The following KIF26B variants were observed in gnomAD, a reference collection of about 807,000 sequenced individuals.
The protein encoded by KIF26B is kinesin family member 26B.
A neutral mutation model predicts 151.2 loss-of-function variants in KIF26B; 63 were observed. That is an observed-to-expected ratio of 0.42 (90% CI 0.34 to 0.51). The LOEUF is 0.51. Ranked by LOEUF, KIF26B falls within the 20% of genes least tolerant of loss-of-function variation. The probability of loss-of-function intolerance (pLI) is 0.07; values close to 1 mark genes in which losing one functional copy is unlikely to be tolerated. For synonymous variants in KIF26B, 1,357 were observed against 1,262.1 expected, an observed-to-expected ratio of 1.08 and a Z score of -1.59; for missense variants, 2,813 against 2,913.6, an observed-to-expected ratio of 0.97 and a Z score of 0.79.
chr1:245,293,289 G>A (rs1671285037), intron 2 of KIF26B, among the ~76,000 whole-genome samples: 1 of 152,056 alleles, frequency 6.6e-6, no homozygotes, highest in African/African-American at 2.4e-5. Flanking sequence ...CAGAGATGAT[G>A]ACACTGGGAT....
At chr1:245,359,874 C>CTTTCT (rs992624473) in intron 2 of KIF26B, among the ~76,000 whole-genome samples, 1 of 139,608 alleles carries the variant, frequency 7.2e-6, no homozygotes, top group African/African-American at 2.8e-5. Flanking sequence ...TTCTTTCTTT[C>CTTTCT]TTTTTTTTTT....
intron 2 of KIF26B, among the ~76,000 whole-genome samples, chr1:245,206,192 G>A (rs1182292233): frequency 6.6e-6 from 1 of 152,142 alleles, no homozygotes; most frequent in Non-Finnish European, 1.5e-5. Context: ...TTATTCTCCA[G>A]CTCCCTGTAA....
chr1:245,188,501 C>G lies in KIF26B; in HGVS notation c.465+31818C>G, dbSNP rs141162337. On this transcript the variant is annotated intron_variant, in intron 2 of 14. Coordinates refer to ENST00000407071, the MANE Select transcript of KIF26B (RefSeq NM_018012.4). ...ATTCAGAGAGACATTTCAACTTTCCCTCTGTGCTTTGCAAACTGATGACGA... is the reference window on the plus strand; with the variant it reads ...ATTCAGAGAGACATTTCAACTTTCCGTCTGTGCTTTGCAAACTGATGACGA... 1.1e-3 allele frequency among the ~76,000 whole-genome samples: 169 copies of G among 152,178 alleles called. 2 individuals are homozygous for G. Among genetic ancestry groups the G allele is most frequent in the Middle Eastern group, 0.01 (3 of 294 alleles).
chr1:245,405,627 T>TC (rs1301068653), intron 3 of KIF26B, among the ~76,000 whole-genome samples: 1 of 151,606 alleles, frequency 6.6e-6, no homozygotes, highest in Non-Finnish European at 1.5e-5. Flanking sequence ...TGATGTTGTT[T>TC]TTTTTTTTTG....
At chr1:245,261,501 CTCCCTCCCT>C (rs1558366088) in intron 2 of KIF26B, among the ~76,000 whole-genome samples, 22 of 109,420 alleles carry the variant, frequency 2.0e-4, no homozygotes, top group Admixed American at 5.2e-4. Flanking sequence ...CTCTCTCTCT[CTCCCTCCCT>C]CCCTCCCTCC....
At chr1:245,200,907 G>C (rs1280498083) in intron 2 of KIF26B, among the ~76,000 whole-genome samples, 3 of 152,232 alleles carry the variant, frequency 2.0e-5, no homozygotes, top group Non-Finnish European at 4.4e-5. Flanking sequence ...GGGCGTGAAA[G>C]TCATTGTGTG....
At chr1:245,519,297 T>C (rs1661035660) in intron 4 of KIF26B, among the ~76,000 whole-genome samples, 1 of 152,162 alleles carries the variant, frequency 6.6e-6, no homozygotes, top group Non-Finnish European at 1.5e-5. Context: ...CTCACACCTG[T>C]AATCTCAGCA....
At position 245,702,637 on chromosome 1, in the gene KIF26B, C is replaced by T. The variant is rs778655418; in HGVS notation, c.*31C>T. 7.0e-5 allele frequency: 113 copies of T among 1,604,040 alleles called. No individual in the cohort carries two copies. Among genetic ancestry groups the T allele is most frequent in the Non-Finnish European group, 8.3e-5 (98 of 1,174,340 alleles). On this transcript the variant is annotated 3_prime_UTR_variant, in exon 15 of 15. Transcript: ENST00000407071. This position sits in a 1 kb window ranked among gnomAD's most constrained non-coding sequence, Gnocchi z 4.1. ...CCAGACCCTTGTCCTAGTGGTCCCC[C>T]GCTCCCCAGGACTTCAGAGATGTTG...
chr1:245,361,360 C>T (rs956745886), intron 2 of KIF26B, among the ~76,000 whole-genome samples: 3 of 152,192 alleles, frequency 2.0e-5, no homozygotes, highest in Admixed American at 6.5e-5. Context: ...AGAAAAACTG[C>T]GGTCTGACAT....
intron 5 of KIF26B, among the ~76,000 whole-genome samples, chr1:245,569,537 G>C (rs894950442): frequency 2.0e-5 from 3 of 152,084 alleles, no homozygotes; most frequent in Non-Finnish European, 2.9e-5. Flanking sequence ...AACCTGGGAG[G>C]CAGAGGTTGC....
At chr1:245,697,484 T>C (rs1477820564) in intron 12 of KIF26B, among the ~76,000 whole-genome samples, 1 of 152,194 alleles carries the variant, frequency 6.6e-6, no homozygotes, top group Non-Finnish European at 1.5e-5. Flanking sequence ...ACTCCTGTAA[T>C]GACATCAAAT....
In KIF26B at chr1:245,702,588, C is replaced by T. The variant is rs762473342; in HGVS notation, c.6309C>T (p.Ile2103=). ...TCATGATGATCACCTGCTTCGACAT[C>T]ACCTCCAGGCGCCGGTAGATGAGCC... ...AHLMMITCFD[I]TSRRR is the part of the protein sequence containing the mutation. The change falls in exon 15 of 15, where the codon ATC becomes ATT. Residue 2103 remains isoleucine, a synonymous_variant. Coordinates refer to ENST00000407071, the MANE Select transcript of KIF26B (RefSeq NM_018012.4). The surrounding 1 kb of genome is among the most constrained non-coding windows in gnomAD (Gnocchi z 4.1). 3 of 1,613,880 alleles carry T rather than the reference C, an allele frequency of 1.9e-6. No individual in the cohort carries two copies. Among genetic ancestry groups the T allele is most frequent in the Admixed American group, 3.3e-5 (2 of 60,014 alleles).
chr1:245,552,615 G>GCTTTTTTTT (rs1661919997), intron 5 of KIF26B, among the ~76,000 whole-genome samples: 1 of 108,540 alleles, frequency 9.2e-6, no homozygotes. Context: ...CATCTTCCTG[G>GCTTTTTTTT]ATTTTTTTTT....
chr1:245,193,437 G>A (rs1325419702), intron 2 of KIF26B, among the ~76,000 whole-genome samples: 1 of 151,760 alleles, frequency 6.6e-6, no homozygotes, highest in East Asian at 1.9e-4. Context: ...ATATGACTCA[G>A]TCTGTTTCAA....
Position 245,156,327 on chromosome 1 carries a change from C to T in KIF26B, c.109C>T (p.Pro37Ser). 6.5e-7 allele frequency: 1 copy of T among 1,547,646 alleles called. No individual in the cohort carries two copies. Among genetic ancestry groups the T allele is most frequent in the Non-Finnish European group, 8.7e-7 (1 of 1,145,960 alleles). ...SPTKPAAPFS[P>S]ESWYRKAYEE... Reference sequence around the variant, plus strand: ...CACCAAGCCCGCAGCGCCCTTCTCCCCGGAAAGCTGGTACCGGAAAGCATA... The same window carrying T: ...CACCAAGCCCGCAGCGCCCTTCTCCTCGGAAAGCTGGTACCGGAAAGCATA... Residue 37 changes from proline to serine, a missense_variant, in exon 2 of 15, where the codon CCG becomes TCG. Physicochemically the swap from Pro to Ser is moderately conservative, Grantham distance 74 (BLOSUM62 -1). This residue lies in a region of KIF26B where 676 missense variants were observed against 688.1 expected (regional missense o/e 0.98). Transcript: ENST00000407071.
intron 4 of KIF26B, among the ~76,000 whole-genome samples, chr1:245,464,455 A>G (rs1175065886): frequency 4.9e-3 from 356 of 72,016 alleles, no homozygotes; most frequent in African/African-American, 6.1e-3. Flanking sequence ...GTGGGTGTGT[A>G]TGTGTGCGTG....
At chr1:245,663,859 C>T (rs998879703) in intron 10 of KIF26B, among the ~76,000 whole-genome samples, 11 of 152,172 alleles carry the variant, frequency 7.2e-5, no homozygotes, top group African/African-American at 2.7e-4. Context: ...GGTTGATTTT[C>T]CTGTGAAAAT....
At chr1:245,222,693 G>T (rs201713856) in intron 2 of KIF26B, among the ~76,000 whole-genome samples, 2 of 152,162 alleles carry the variant, frequency 1.3e-5, no homozygotes, top group East Asian at 3.8e-4. Context: ...CCCAAATGTT[G>T]CATATTGAGA....
rs2044282844 is a variant in KIF26B at position 245,671,344 on chromosome 1, A to T, written c.2259-12889A>T. 2.0e-5 allele frequency among the ~76,000 whole-genome samples: 3 copies of T among 152,228 alleles called. No individual in the cohort carries two copies. In the South Asian group the frequency reaches 6.2e-4, roughly 32 times the overall value. On this transcript the variant is annotated intron_variant, in intron 10 of 14. Coordinates refer to ENST00000407071, the MANE Select transcript of KIF26B (RefSeq NM_018012.4). The stretch of plus-strand genomic sequence containing the variant: ...CATGCTGTTAATATAACACGGATGT[A>T]CCTTGCAAGCATGTTGAGTAACATA...
Sources: allele counts gnomAD v4.1 joint callset (sites outside exome capture counted in the v4.1 genomes callset), GRCh38; gene constraint gnomAD v4.1.1; regional missense constraint gnomAD v4.1.1; non-coding constraint Gnocchi (gnomAD v3.1); transcripts MANE v1.5; gene names NCBI Gene and HGNC (gene_info 2026-07-23, HGNC 2026-07-21).